LOXL1: variants seen among roughly 807,000 people sequenced by gnomAD.
LOXL1 encodes the protein lysyl oxidase homolog 1.
A neutral mutation model predicts 62.2 loss-of-function variants in LOXL1; 31 were observed. The observed-to-expected ratio is 0.50, with a 90% confidence interval of 0.37 to 0.67. LOXL1 has a LOEUF of 0.67. LOXL1 is among the 30% of genes least tolerant of loss of function. The pLI, the probability that LOXL1 is intolerant of heterozygous loss-of-function variation, is 0.00. For synonymous variants in LOXL1, 403 were observed against 384.4 expected (o/e 1.05, Z -0.56); for missense variants, 775 against 843.4 (o/e 0.92, Z 1.00).
At chr15:73,941,526 C>T (rs1350168669) in intron 1 of LOXL1, among the ~76,000 whole-genome samples, 4 of 152,216 alleles carry the variant, frequency 2.6e-5, no homozygotes, top group African/African-American at 9.7e-5. Context: ...GAAATCCCTC[C>T]ATGGGACTCA....
chr15:73,943,592 C>T (rs1357349772), intron 2 of LOXL1, among the ~76,000 whole-genome samples: 5 of 152,150 alleles, frequency 3.3e-5, no homozygotes, highest in African/African-American at 9.7e-5. Flanking sequence ...ACAGCTGGCT[C>T]GCCATTATTC....
chr15:73,941,738 AG>A (rs2141632057), intron 1 of LOXL1: 1 of 152,924 alleles, frequency 6.5e-6, no homozygotes, highest in South Asian at 2.0e-4. Flanking sequence ...AGGGCCCTGG[AG>A]TCCCCCCTGC....
At position 73,927,403 on chromosome 15, in the gene LOXL1, CCGCGGGCGGCGG is replaced by C. The variant is rs768274373; in HGVS notation, c.623_634del (p.Ala208_Gly211del). On this transcript the variant is annotated inframe_deletion, in exon 1 of 7. Transcript: ENST00000261921. ...GACCAGGGTTTCGTGTACTACCGGC[CCGCGGGCGGCGG>C]CGTGGGCGCGGGGGCGGCGGCCGTG... 1 of 1,548,876 alleles carries C rather than the reference CCGCGGGCGGCGG, an allele frequency of 6.5e-7. No individual in the cohort carries two copies. The highest frequency in any genetic ancestry group is 1.9e-5 in the Admixed American group (1 of 51,552).
rs959898096 is a variant in LOXL1, at chr15:73,945,246, G to A, written c.1212-1171G>A. Among the ~76,000 whole-genome samples, 3 of 152,236 alleles carry A rather than the reference G, an allele frequency of 2.0e-5. No homozygotes were observed. In the South Asian group the frequency reaches 6.2e-4, roughly 32 times the overall value. ...ATACCAGACCCATGTTCCCTGAATG[G>A]AAAAGGGCAGGTTGCCAGCCTGAAG... On this transcript the variant is annotated intron_variant, in intron 2 of 6. Coordinates refer to ENST00000261921, the MANE Select transcript of LOXL1 (RefSeq NM_005576.4). This position sits in a 1 kb window ranked among gnomAD's most constrained non-coding sequence, Gnocchi z 4.3.
intron 6 of LOXL1, among the ~76,000 whole-genome samples, chr15:73,951,197 T>A (rs756318574): frequency 3.3e-5 from 5 of 152,048 alleles, no homozygotes; most frequent in Non-Finnish European, 7.4e-5. Context: ...AGAAACAGCA[T>A]CCCACGTGCC....
At chr15:73,946,073 T>A (rs2068745035) in intron 2 of LOXL1, among the ~76,000 whole-genome samples, 2 of 152,162 alleles carry the variant, frequency 1.3e-5, no homozygotes, top group Non-Finnish European at 2.9e-5. Context: ...CAGAGATTGC[T>A]ATGTGCTCCT....
chr15:73,946,236 C>T (rs2068745980), intron 2 of LOXL1, 181 bp from the exon 3 acceptor site: 2 of 586,078 alleles, frequency 3.4e-6, no homozygotes, highest in African/African-American at 3.7e-5. Flanking sequence ...GGTCAGAAGA[C>T]AGAGGAAGAG....
chr15:73,927,659 C>A lies in LOXL1; in HGVS notation c.876C>A (p.Asp292Glu), dbSNP rs41429348. The A allele has an allele frequency of 1.3e-6, 2 of 1,487,572 alleles. No homozygotes were observed. Among genetic ancestry groups the A allele is most frequent in the Middle Eastern group, 1.8e-4 (1 of 5,688 alleles). The allele number at this position is 1,487,572 out of a possible 1,614,324, so 92.1% of individuals were successfully genotyped here. A position where few individuals can be genotyped will look rare whatever the true frequency, so the allele number is the denominator to read the frequency against. The change falls in exon 1 of 7, where the codon GAC (aspartate) becomes GAA (glutamate). Residue 292 changes from aspartate to glutamate, a missense_variant. Transcript: ENST00000261921. ...GTPGFEQAYP[D>E]PGPEAAQAHG... ...CCGGCTTCGAGCAGGCCTACCCTGA[C>A]CCCGGTCCCGAGGCGGCGCAGGCCC...
At chr15:73,942,544 C>T (rs2068721238) in intron 1 of LOXL1, among the ~76,000 whole-genome samples, 1 of 152,052 alleles carries the variant, frequency 6.6e-6, no homozygotes, top group African/African-American at 2.4e-5. Context: ...CTGCCGTGGA[C>T]ACCCTTTCCC....
At position 73,951,999 on chromosome 15, in the gene LOXL1, C is replaced by G; in HGVS notation, c.*162C>G. The stretch of plus-strand genomic sequence containing the variant: ...ACGTGGATGAAAACCACAGGGATTC[C>G]GGACGCCAGACCCCATTTTATACTT... On this transcript the variant is annotated 3_prime_UTR_variant, in exon 7 of 7. Transcript: ENST00000261921. 2.2e-6 allele frequency: 1 copy of G among 464,702 alleles called. No homozygotes were observed. The highest frequency in any genetic ancestry group is 3.7e-6 in the Non-Finnish European group (1 of 273,170). 28.8% of individuals were successfully genotyped at this position (464,702 alleles called of 1,614,324 possible). A position where few individuals can be genotyped will look rare whatever the true frequency, so the allele number is the denominator to read the frequency against.
intron 1 of LOXL1, among the ~76,000 whole-genome samples, chr15:73,932,297 A>C (rs1043562388): frequency 6.6e-6 from 1 of 152,204 alleles, no homozygotes; most frequent in African/African-American, 2.4e-5. Flanking sequence ...CCCGTGTTAC[A>C]GATGTGGTGA....
Position 73,927,123 on chromosome 15 carries a change from C to G in LOXL1, c.340C>G (p.Gln114Glu), listed in dbSNP as rs1455090151. 7.2e-7 allele frequency: 1 copy of G among 1,380,140 alleles called. No homozygotes were observed. The highest frequency in any genetic ancestry group is 1.5e-5 in the African/African-American group (1 of 66,658). The allele number at this position is 1,380,140 out of a possible 1,614,324, so 85.5% of individuals were successfully genotyped here. The change falls in exon 1 of 7, where the codon CAG (glutamine) becomes GAG (glutamate). Residue 114 changes from glutamine to glutamate, a missense_variant. By Grantham distance (29) the Gln-to-Glu change is conservative. Coordinates refer to ENST00000261921, the MANE Select transcript of LOXL1 (RefSeq NM_005576.4). ...CGTGGGCTCGGACACCGTGCGCGGC[C>G]AGGCGCGGCACCCATTCGGCTTTGG... ...GRVGSDTVRG[Q>E]ARHPFGFGQV... is the part of the protein sequence containing the mutation.
chr15:73,949,716 A>G, intron 6 of LOXL1, 142 bp downstream of exon 6: 1 of 648,500 alleles, frequency 1.5e-6, no homozygotes, highest in South Asian at 1.8e-5. Flanking sequence ...CATCAAAAAG[A>G]GCCTTGTCCG....
At chr15:73,934,622 T>C (rs1276482048) in intron 1 of LOXL1, among the ~76,000 whole-genome samples, 5 of 152,222 alleles carry the variant, frequency 3.3e-5, no homozygotes, top group Non-Finnish European at 7.3e-5. Context: ...GAAATAGTCA[T>C]TTAACAAATA....
chr15:73,951,774 A>G, intron 6 of LOXL1, 57 bp from the exon 7 acceptor site: 1 of 1,463,592 alleles, frequency 6.8e-7, no homozygotes, highest in Non-Finnish European at 9.1e-7. Context: ...CTGGCTGAGG[A>G]GGCCACGGGG....
chr15:73,949,582 T>C lies in LOXL1; in HGVS notation c.1718+8T>C, dbSNP rs1286068062. On this transcript the variant is annotated splice_region_variant and intron_variant, in intron 6 of 6. Coordinates refer to ENST00000261921, the MANE Select transcript of LOXL1 (RefSeq NM_005576.4). Reference sequence around the variant, plus strand: ...AAACTGCAAAATTGTCCAGTAAGAGTTTGCCCACCACCCTTCCTGGCTCCG... The same window carrying C: ...AAACTGCAAAATTGTCCAGTAAGAGCTTGCCCACCACCCTTCCTGGCTCCG... The C allele has an allele frequency of 2.0e-5, 32 of 1,591,812 alleles. No individual in the cohort carries two copies. The highest frequency in any genetic ancestry group is 2.8e-5 in the Non-Finnish European group (32 of 1,160,166).
In LOXL1 at chr15:73,927,283, A is replaced by G; in HGVS notation, c.500A>G (p.Tyr167Cys). Residue 167 changes from tyrosine to cysteine, a missense_variant, in exon 1 of 7, where the codon TAC becomes TGC. Tyr to Cys is a radical substitution (Grantham distance 194, BLOSUM62 -2). Coordinates refer to ENST00000261921, the MANE Select transcript of LOXL1 (RefSeq NM_005576.4). ...SVSASAFAST[Y>C]RQQPSYPQQF... is the part of the protein sequence containing the mutation. Reference sequence around the variant, plus strand: ...TCGGCTTCGGCCTTCGCCAGCACCTACCGCCAGCAGCCCTCCTACCCGCAG... The same window carrying G: ...TCGGCTTCGGCCTTCGCCAGCACCTGCCGCCAGCAGCCCTCCTACCCGCAG... 1 of 1,602,492 alleles carries G rather than the reference A, an allele frequency of 6.2e-7. No individual in the cohort carries two copies. The highest frequency in any genetic ancestry group is 8.5e-7 in the Non-Finnish European group (1 of 1,177,258).
At chr15:73,940,147 A>T (rs1038152428) in intron 1 of LOXL1, among the ~76,000 whole-genome samples, 2 of 144,614 alleles carry the variant, frequency 1.4e-5, no homozygotes, top group Admixed American at 6.8e-5. Flanking sequence ...AGATCAATAC[A>T]GATGGGGTGG....
chr15:73,935,521 G>A (rs1228765188), intron 1 of LOXL1, among the ~76,000 whole-genome samples: 1 of 151,946 alleles, frequency 6.6e-6, no homozygotes, highest in South Asian at 2.1e-4. Context: ...AACCCCTGGA[G>A]TAACTGAAGC....
Sources: allele counts gnomAD v4.1 joint callset (sites outside exome capture counted in the v4.1 genomes callset), GRCh38; gene constraint gnomAD v4.1.1; non-coding constraint Gnocchi (gnomAD v3.1); transcripts MANE v1.5; gene names NCBI Gene and HGNC (gene_info 2026-07-23, HGNC 2026-07-21).